Variants in FBLN7 observed in about 807,000 individuals in gnomAD.
The protein encoded by FBLN7 is fibulin-7.
Under a neutral mutation model 44.0 loss-of-function variants are expected in FBLN7, and 31 were observed. That is an observed-to-expected ratio of 0.70 (90% CI 0.53 to 0.95). The LOEUF (loss-of-function observed/expected upper bound fraction) is 0.95. FBLN7 is among the 40% of genes least tolerant of loss of function. The probability of loss-of-function intolerance (pLI) is 0.00; values close to 1 mark genes in which losing one functional copy is unlikely to be tolerated. For missense variants in FBLN7, 573 were observed against 618.5 expected (o/e 0.93, Z 0.78); for synonymous variants, 262 against 253.4 (o/e 1.03, Z -0.32).
intron 2 of FBLN7, among the ~76,000 whole-genome samples, chr2:112,163,108 C>T (rs1012412704): frequency 1.3e-5 from 2 of 152,302 alleles, no homozygotes; most frequent in East Asian, 1.9e-4. Context: ...CAAAGGCCAC[C>T]GAGCATCCTC....
chr2:112,171,624 G>T (rs1231860070), intron 3 of FBLN7, among the ~76,000 whole-genome samples: 3 of 152,128 alleles, frequency 2.0e-5, no homozygotes, highest in African/African-American at 4.8e-5. Flanking sequence ...ATGAAAAAAA[G>T]ATGAATTTCC....
At chr2:112,184,202 C>T (rs1171348645) in intron 6 of FBLN7, among the ~76,000 whole-genome samples, 1 of 152,166 alleles carries the variant, frequency 6.6e-6, no homozygotes, top group Non-Finnish European at 1.5e-5. Context: ...CTGGACTTCC[C>T]CCATGGAAAC....
At chr2:112,180,752 C>CAAAAAATACAAAAAA (rs1682940056) in intron 4 of FBLN7, among the ~76,000 whole-genome samples, 2 of 151,764 alleles carry the variant, frequency 1.3e-5, no homozygotes, top group Non-Finnish European at 2.9e-5. Flanking sequence ...AACCCCGTCT[C>CAAAAAATACAAAAAA]TACTAAAAAA....
At chr2:112,231,347 G>A in the FBLN7 span, among the ~76,000 whole-genome samples, 2 of 152,232 alleles carry the variant, frequency 1.3e-5, no homozygotes, top group Admixed American at 1.3e-4. Context: ...TAAGAGACTA[G>A]CTCCAACTAA....
chr2:112,159,639 C>A, intron 1 of FBLN7, 37 bp from the exon 2 acceptor site: 1 of 1,477,034 alleles, frequency 6.8e-7, no homozygotes, highest in Non-Finnish European at 9.1e-7. Flanking sequence ...CTGAGTCAGT[C>A]TCAATGGGTG....
the FBLN7 span, among the ~76,000 whole-genome samples, chr2:112,204,923 T>C: frequency 2.0e-4 from 30 of 152,086 alleles, no homozygotes; most frequent in Non-Finnish European, 4.1e-4. Flanking sequence ...ATATTTTTTG[T>C]TTATGACACT....
chr2:112,211,394 A>G, the FBLN7 span: 14 of 152,224 alleles, frequency 9.2e-5, no homozygotes, highest in Admixed American at 9.2e-4. Context: ...ACTAGGGAAG[A>G]GGAATCTTGG....
chr2:112,240,952 AGT>A, the FBLN7 span, among the ~76,000 whole-genome samples: 38,321 of 142,288 alleles, frequency 0.27, 5,224 homozygotes, highest in South Asian at 0.39. Flanking sequence ...TACAGGTAAC[AGT>A]GTGTGTGTGT....
intron 1 of FBLN7, among the ~76,000 whole-genome samples, chr2:112,157,903 T>C (rs941946534): frequency 1.7e-5 from 2 of 117,618 alleles, no homozygotes; most frequent in Admixed American, 8.1e-5. Flanking sequence ...TCTTTGGTTC[T>C]TTTTTTTTTT....
chr2:112,160,086 G>T (rs1390661892), intron 2 of FBLN7, among the ~76,000 whole-genome samples: 1 of 152,234 alleles, frequency 6.6e-6, no homozygotes, highest in East Asian at 1.9e-4. Context: ...CGCCTCCCGG[G>T]TTCACGCCAT....
chr2:112,183,064 C>T, intron 6 of FBLN7, 136 bp downstream of exon 6: 1 of 1,162,148 alleles, frequency 8.6e-7, no homozygotes, highest in Admixed American at 3.1e-5. Context: ...AAGCCACCAA[C>T]CAAAGGGCTT....
At chr2:112,181,658 T>C in intron 4 of FBLN7, 81 bp from the exon 5 acceptor site, 2 of 1,334,194 alleles carry the variant, frequency 1.5e-6, no homozygotes, top group Non-Finnish European at 1.9e-6. Flanking sequence ...TCCGTCTTGG[T>C]TCTGCTCCCG....
chr2:112,238,241 C>T, the FBLN7 span: 1 of 1,433,366 alleles, frequency 7.0e-7, no homozygotes, highest in South Asian at 1.3e-5. Context: ...AAAGAAAAAT[C>T]CTCTGTCCGT....
intron 4 of FBLN7, among the ~76,000 whole-genome samples, chr2:112,180,731 T>C (rs180679178): frequency 7.4e-4 from 112 of 151,970 alleles, no homozygotes; most frequent in East Asian, 4.3e-3. Flanking sequence ...CCATCCTGGC[T>C]AACATGGTGA....
intron 1 of FBLN7, among the ~76,000 whole-genome samples, chr2:112,157,354 A>G (rs1427928272): frequency 6.6e-6 from 1 of 152,140 alleles, no homozygotes; most frequent in East Asian, 1.9e-4. Flanking sequence ...TGGGTGATAG[A>G]GTGAGACTCT....
chr2:112,209,960 T>G, the FBLN7 span, among the ~76,000 whole-genome samples: 1 of 151,460 alleles, frequency 6.6e-6, no homozygotes, highest in African/African-American at 2.4e-5. Context: ...GAGCACCAAG[T>G]GGAATGAGAG....
At chr2:112,236,969 G>A in the FBLN7 span, among the ~76,000 whole-genome samples, 1 of 152,334 alleles carries the variant, frequency 6.6e-6, no homozygotes, top group South Asian at 2.1e-4. Flanking sequence ...GCTAAGGCAG[G>A]AGGATTGCTT....
At chr2:112,193,200 G>A (rs1433692692), downstream of FBLN7, among the ~76,000 whole-genome samples, 2 of 152,136 alleles carry the variant, frequency 1.3e-5, no homozygotes. Flanking sequence ...CAGCTCTTTG[G>A]GTGGCCAAGG....
At chr2:112,148,424 C>T (rs1680990745) in intron 1 of FBLN7, among the ~76,000 whole-genome samples, 1 of 152,208 alleles carries the variant, frequency 6.6e-6, no homozygotes, top group African/African-American at 2.4e-5. Flanking sequence ...ATAAATACCG[C>T]TATCTAAAAT....
Sources: gnomAD v4.1 joint callset for allele counts (sites outside exome capture counted in the v4.1 genomes callset) on GRCh38, gnomAD v4.1.1 for gene constraint, MANE v1.5 for transcripts, NCBI Gene and HGNC (gene_info 2026-07-23, HGNC 2026-07-21) for gene names.